BLTP2: variants seen among roughly 807,000 people sequenced by gnomAD.
The protein encoded by BLTP2 is U937-associated antigen.
chr17:28,615,335 TAA>T, the BLTP2 span: 2 of 1,195,176 alleles, frequency 1.7e-6, no homozygotes, highest in Non-Finnish European at 2.4e-6. Flanking sequence ...AAAGATTTAT[TAA>T]ACACATCCAA....
At chr17:28,619,443 C>A in the BLTP2 span, among the ~76,000 whole-genome samples, 236 of 151,568 alleles carry the variant, frequency 1.6e-3, 2 homozygotes, top group African/African-American at 5.1e-3. Flanking sequence ...CCAGCCTGGT[C>A]AACATAGTGA....
At chr17:28,643,602 G>A in the BLTP2 span, 2 of 1,611,900 alleles carry the variant, frequency 1.2e-6, no homozygotes, top group South Asian at 1.1e-5. Context: ...AGAATATAGG[G>A]TACTCACGGA....
chr17:28,634,592 G>C, the BLTP2 span: 1 of 1,614,148 alleles, frequency 6.2e-7, no homozygotes, highest in Non-Finnish European at 8.5e-7. Flanking sequence ...GGGGGAAAAG[G>C]GCTGCCTGGA....
chr17:28,629,298 G>A, the BLTP2 span, among the ~76,000 whole-genome samples: 8 of 147,526 alleles, frequency 5.4e-5, no homozygotes, highest in Non-Finnish European at 7.4e-5. Context: ...GCAGTGGTGT[G>A]ATTTTTTTTT....
At chr17:28,615,245 A>C in the BLTP2 span, 1 of 1,601,844 alleles carries the variant, frequency 6.2e-7, no homozygotes, top group Non-Finnish European at 8.5e-7. Flanking sequence ...CTCTTTGATT[A>C]CCTGGCAGAT....
chr17:28,638,749 T>C, the BLTP2 span: 547 of 713,466 alleles, frequency 7.7e-4, 3 homozygotes, highest in African/African-American at 8.7e-3. Context: ...CAGAGTTTTA[T>C]TGTGATTCTT....
the BLTP2 span, chr17:28,614,529 C>T: frequency 5.2e-6 from 1 of 192,692 alleles, no homozygotes. Flanking sequence ...GTAGGGGACC[C>T]ATGGCCAGCC....
At chr17:28,616,031 A>G in the BLTP2 span, 9 of 1,331,032 alleles carry the variant, frequency 6.8e-6, no homozygotes, top group South Asian at 9.5e-5. This position sits in a 1 kb window ranked among gnomAD's most constrained non-coding sequence, Gnocchi z 4.8. Context: ...CTCCCTGTAT[A>G]GAATCTCTGA....
the BLTP2 span, chr17:28,636,845 T>A: frequency 2.5e-6 from 2 of 797,224 alleles, no homozygotes; most frequent in Admixed American, 5.1e-5. Flanking sequence ...TTAAGACCAG[T>A]CTGGGCAACA....
At chr17:28,634,679 C>G in the BLTP2 span, 1 of 1,614,200 alleles carries the variant, frequency 6.2e-7, no homozygotes, top group Non-Finnish European at 8.5e-7. Flanking sequence ...AGTTCTAGCC[C>G]TGCTAAGCTC....
At chr17:28,637,237 C>T in the BLTP2 span, 1 of 1,238,142 alleles carries the variant, frequency 8.1e-7, no homozygotes, top group East Asian at 2.4e-5. Flanking sequence ...TCCTCACTCG[C>T]CTTTCTCACT....
the BLTP2 span, among the ~76,000 whole-genome samples, chr17:28,636,747 T>C: frequency 6.6e-6 from 1 of 152,130 alleles, no homozygotes; most frequent in South Asian, 2.1e-4. Context: ...CAACATGAGT[T>C]AAAAAGAGAG....
the BLTP2 span, chr17:28,639,048 C>A: frequency 4.0e-6 from 2 of 500,772 alleles, no homozygotes; most frequent in East Asian, 7.5e-5. Context: ...AAAGACATTC[C>A]TTATCATTTA....
the BLTP2 span, chr17:28,615,041 C>T: frequency 6.3e-7 from 1 of 1,599,188 alleles, no homozygotes; most frequent in South Asian, 1.2e-5. Flanking sequence ...AGATCCTGTA[C>T]TGCAGCCACT....
At chr17:28,622,543 A>G in the BLTP2 span, among the ~76,000 whole-genome samples, 5 of 152,352 alleles carry the variant, frequency 3.3e-5, no homozygotes, top group Middle Eastern at 3.4e-3. Flanking sequence ...CATGCCCAGT[A>G]CAATGTGGAC....
chr17:28,615,785 C>T, the BLTP2 span: 2 of 1,614,112 alleles, frequency 1.2e-6, no homozygotes, highest in Non-Finnish European at 8.5e-7. Context: ...CCAGTCCACA[C>T]TGTTCTTCTC....
chr17:28,644,544 G>A, the BLTP2 span, among the ~76,000 whole-genome samples: 1 of 152,210 alleles, frequency 6.6e-6, no homozygotes, highest in Non-Finnish European at 1.5e-5. Flanking sequence ...GGGTCTGTCT[G>A]TCTCCTGCTC....
the BLTP2 span, among the ~76,000 whole-genome samples, chr17:28,630,465 GTTTTTTTTT>G: frequency 1.1e-5 from 1 of 93,010 alleles, no homozygotes. Flanking sequence ...AGCCCCCACT[GTTTTTTTTT>G]TTTTTTTTTT....
the BLTP2 span, among the ~76,000 whole-genome samples, chr17:28,638,834 AC>A: frequency 2.0e-5 from 3 of 152,284 alleles, no homozygotes; most frequent in African/African-American, 7.2e-5. Context: ...ATCTGCAGGA[AC>A]CCCAAAAGGA....
Sources: allele counts gnomAD v4.1 joint callset (sites outside exome capture counted in the v4.1 genomes callset), GRCh38; gene constraint gnomAD v4.1.1; non-coding constraint Gnocchi (gnomAD v3.1); transcripts MANE v1.5; gene names NCBI Gene and HGNC (gene_info 2026-07-23, HGNC 2026-07-21).